Variants in NPSR1 observed in about 807,000 individuals in gnomAD.
NPSR1 encodes the protein neuropeptide S receptor 1.
NPSR1 carries 48 observed loss-of-function variants against 46.9 expected under a neutral mutation model. That is an observed-to-expected ratio of 1.02 (90% CI 0.81 to 1.30). NPSR1 has a LOEUF of 1.30. Among genes scored for constraint, NPSR1 ranks in the 50% most tolerant of loss-of-function variants. The pLI, the probability that NPSR1 is intolerant of heterozygous loss-of-function variation, is 0.00. For synonymous variants in NPSR1, 176 were observed against 168.1 expected, an observed-to-expected ratio of 1.05 and a Z score of -0.36; for missense variants, 450 against 449.5, an observed-to-expected ratio of 1.00 and a Z score of -0.01.
At chr7:34,732,962 A>G (rs1310554814) in intron 2 of NPSR1, among the ~76,000 whole-genome samples, 3 of 152,248 alleles carry the variant, frequency 2.0e-5, no homozygotes, top group Non-Finnish European at 4.4e-5. Flanking sequence ...TAACACATCT[A>G]AAAGTTTGCA....
intron 3 of NPSR1, among the ~76,000 whole-genome samples, chr7:34,805,136 T>C (rs1021434635): frequency 6.6e-6 from 1 of 151,886 alleles, no homozygotes; most frequent in Non-Finnish European, 1.5e-5. Context: ...TTCAATACAA[T>C]TCCAATCAAA....
intron 8 of NPSR1, among the ~76,000 whole-genome samples, chr7:34,860,888 C>A (rs1211164638): frequency 6.6e-6 from 1 of 151,850 alleles, no homozygotes; most frequent in Non-Finnish European, 1.5e-5. Flanking sequence ...GCTTTGGAGA[C>A]GGAAGACTGA....
chr7:34,807,360 T>C (rs1397018302), intron 3 of NPSR1, among the ~76,000 whole-genome samples: 2 of 152,186 alleles, frequency 1.3e-5, no homozygotes, highest in Non-Finnish European at 2.9e-5. Flanking sequence ...TTTCTATCTG[T>C]ATATTTTTGT....
intron 2 of NPSR1, among the ~76,000 whole-genome samples, chr7:34,725,000 G>T (rs1216365994): frequency 2.0e-5 from 3 of 152,000 alleles, no homozygotes. Flanking sequence ...GTGTTACCAA[G>T]CTACCCAAAT....
At chr7:34,760,996 C>T (rs1786145413) in intron 2 of NPSR1, 1 of 152,638 alleles carries the variant, frequency 6.6e-6, no homozygotes, top group Non-Finnish European at 1.5e-5. Flanking sequence ...AGCTTTCTCA[C>T]TGGCTTTAGT....
At chr7:34,778,803 A>G (rs1187939784) in intron 3 of NPSR1, among the ~76,000 whole-genome samples, 1 of 152,200 alleles carries the variant, frequency 6.6e-6, no homozygotes, top group Admixed American at 6.5e-5. Context: ...TAAAGCATTC[A>G]TATTTCAAAT....
chr7:34,805,492 A>G (rs1026394589), intron 3 of NPSR1, among the ~76,000 whole-genome samples: 6 of 151,336 alleles, frequency 4.0e-5, no homozygotes, highest in African/African-American at 1.5e-4. Flanking sequence ...AAAAAAAAAA[A>G]AAAAAAAAAC....
At chr7:34,826,230 AGTG>A (rs1789829803) in intron 4 of NPSR1, among the ~76,000 whole-genome samples, 1 of 152,210 alleles carries the variant, frequency 6.6e-6, no homozygotes, top group Admixed American at 6.5e-5. Flanking sequence ...CTGCTTGCTC[AGTG>A]GGCCAATAAC....
intron 3 of NPSR1, among the ~76,000 whole-genome samples, chr7:34,811,453 A>G (rs947145795): frequency 1.3e-5 from 2 of 152,038 alleles, no homozygotes; most frequent in Non-Finnish European, 2.9e-5. Flanking sequence ...TTTGGGGTTT[A>G]TATGGGTACA....
At chr7:34,871,930 A>G (rs1833092) in intron 8 of NPSR1, among the ~76,000 whole-genome samples, 13,049 of 151,750 alleles carry the variant, frequency 0.086, 1,792 homozygotes, top group African/African-American at 0.27. Flanking sequence ...CCATGTTGGC[A>G]TCTGGAAGGC....
intron 2 of NPSR1, chr7:34,710,991 A>G: frequency 2.8e-6 from 1 of 359,412 alleles, no homozygotes; most frequent in South Asian, 2.5e-5. Flanking sequence ...AGAAAAGCTG[A>G]CCACTTCTAT....
At chr7:34,834,211 C>T in intron 5 of NPSR1, 173 bp from the exon 6 acceptor site, 1 of 606,972 alleles carries the variant, frequency 1.6e-6, no homozygotes, top group Non-Finnish European at 3.0e-6. Flanking sequence ...CCAGTGGATC[C>T]TCATGGTCAC....
At chr7:34,663,067 C>CTCTCTCTCTGTG (rs35826710) in intron 1 of NPSR1, among the ~76,000 whole-genome samples, 2 of 99,386 alleles carry the variant, frequency 2.0e-5, no homozygotes, top group African/African-American at 1.1e-4. Context: ...CTCTCTCTCT[C>CTCTCTCTCTGTG]TGTGTGTGTG....
At chr7:34,804,537 C>A (rs1167148791) in intron 3 of NPSR1, among the ~76,000 whole-genome samples, 3 of 152,008 alleles carry the variant, frequency 2.0e-5, no homozygotes, top group African/African-American at 7.2e-5. Flanking sequence ...ACTTCATTAA[C>A]AGCATCTAAA....
At chr7:34,705,690 ATTATGT>A (rs1662708654) in intron 2 of NPSR1, among the ~76,000 whole-genome samples, 1 of 151,904 alleles carries the variant, frequency 6.6e-6, no homozygotes, top group Non-Finnish European at 1.5e-5. Context: ...TGATATTAAT[ATTATGT>A]TTATCTATCT....
intron 2 of NPSR1, among the ~76,000 whole-genome samples, chr7:34,749,311 C>T (rs1785382070): frequency 6.6e-6 from 1 of 152,156 alleles, no homozygotes; most frequent in Admixed American, 6.5e-5. Context: ...TCTCTAGCTC[C>T]TTATCCCTTT....
intron 2 of NPSR1, among the ~76,000 whole-genome samples, chr7:34,707,822 T>C (rs926076050): frequency 2.4e-4 from 37 of 152,136 alleles, no homozygotes; most frequent in African/African-American, 8.9e-4. Context: ...CCGTAACAAA[T>C]ACCAAAGATT....
rs183663451 is a variant in NPSR1 at position 34,810,576 on chromosome 7, C to T, written c.385-1194C>T. On this transcript the variant is annotated intron_variant, in intron 3 of 8. Transcript: ENST00000360581. ...CTGATGATGATAAATGATTCAACACCGCACATAGGCTCCCTAAAACCGGAA... is the reference window on the plus strand; with the variant it reads ...CTGATGATGATAAATGATTCAACACTGCACATAGGCTCCCTAAAACCGGAA... 5.9e-5 allele frequency among the ~76,000 whole-genome samples: 9 copies of T among 152,274 alleles called. No homozygotes were observed. The South Asian group carries it at 1.4e-3, about 25-fold the overall frequency.
chr7:34,695,846 C>T (rs1793492169), intron 2 of NPSR1, among the ~76,000 whole-genome samples: 1 of 152,118 alleles, frequency 6.6e-6, no homozygotes, highest in Non-Finnish European at 1.5e-5. Flanking sequence ...GACTTACACA[C>T]TTTTGAGGGA....
Sources: gnomAD v4.1 joint callset for allele counts (sites outside exome capture counted in the v4.1 genomes callset) on GRCh38, gnomAD v4.1.1 for gene constraint, MANE v1.5 for transcripts, NCBI Gene and HGNC (gene_info 2026-07-23, HGNC 2026-07-21) for gene names.